Variants in CAST observed in about 807,000 individuals in gnomAD.
CAST encodes the protein MIR583 host.
In CAST, 76 loss-of-function variants were observed where a neutral mutation model predicts 119.6. The ratio of observed to expected loss-of-function variants is 0.64; its 90% CI spans 0.53 to 0.77. The LOEUF (loss-of-function observed/expected upper bound fraction) is 0.77, where lower values mean the gene tolerates loss of function less well. Among genes scored for constraint, CAST ranks in the 30% least tolerant of loss-of-function variants. The probability of loss-of-function intolerance (pLI) is 0.00; values close to 1 mark genes in which losing one functional copy is unlikely to be tolerated. For synonymous variants in CAST, 319 were observed against 331.6 expected (o/e 0.96, Z 0.41); for missense variants, 953 against 946.5 (o/e 1.01, Z -0.09).
chr5:96,460,246 A>G, the CAST span, among the ~76,000 whole-genome samples: 1 of 152,132 alleles, frequency 6.6e-6, no homozygotes, highest in African/African-American at 2.4e-5. Flanking sequence ...GAGAGTCACA[A>G]AAGAATGAGA....
the CAST span, among the ~76,000 whole-genome samples, chr5:96,424,435 G>A: frequency 1.4e-4 from 21 of 152,150 alleles, no homozygotes; most frequent in African/African-American, 2.2e-4. Context: ...CTCTGGAGTC[G>A]TGAATTATAG....
At chr5:96,056,450 C>T in the CAST span, among the ~76,000 whole-genome samples, 570 of 152,212 alleles carry the variant, frequency 3.7e-3, 4 homozygotes, top group African/African-American at 0.013. Flanking sequence ...TCCAGATGCA[C>T]GAACTGGCTC....
At chr5:96,522,740 C>A (rs1745538005), upstream of CAST, among the ~76,000 whole-genome samples, 1 of 152,164 alleles carries the variant, frequency 6.6e-6, no homozygotes, top group South Asian at 2.1e-4. Context: ...TTGCAATCAG[C>A]CCTGCACTGC....
the CAST span, among the ~76,000 whole-genome samples, chr5:96,509,719 G>T: frequency 4.8e-4 from 73 of 152,214 alleles, no homozygotes; most frequent in Non-Finnish European, 9.6e-4. Context: ...TCAATAAGAA[G>T]GAATGAATTC....
intron 1 of CAST, among the ~76,000 whole-genome samples, chr5:96,650,747 TG>T (rs1748084318): frequency 6.6e-6 from 1 of 151,742 alleles, no homozygotes; most frequent in Non-Finnish European, 1.5e-5. Context: ...TGTGTGTGTG[TG>T]TGTGTGTGTG....
At chr5:96,738,148 C>T (rs1008147520) in intron 11 of CAST, among the ~76,000 whole-genome samples, 8 of 152,098 alleles carry the variant, frequency 5.3e-5, no homozygotes, top group Non-Finnish European at 8.8e-5. Flanking sequence ...ATGGTGAAAC[C>T]CTGTCCTTAC....
chr5:96,335,402 C>T, the CAST span, among the ~76,000 whole-genome samples: 1 of 152,268 alleles, frequency 6.6e-6, no homozygotes, highest in Non-Finnish European at 1.5e-5. Flanking sequence ...TGCTTGTGTG[C>T]ACCACTCACT....
the CAST span, among the ~76,000 whole-genome samples, chr5:96,452,520 A>G: frequency 9.9e-5 from 15 of 152,002 alleles, no homozygotes; most frequent in East Asian, 2.9e-3. Flanking sequence ...GAGAGATAGC[A>G]TTAGGATAAA....
the CAST span, among the ~76,000 whole-genome samples, chr5:96,072,500 A>G: frequency 1.3e-5 from 2 of 152,208 alleles, no homozygotes; most frequent in Non-Finnish European, 2.9e-5. Flanking sequence ...CCTTAAATCA[A>G]CTAAGATGTA....
At chr5:96,068,744 A>G in the CAST span, among the ~76,000 whole-genome samples, 1 of 151,470 alleles carries the variant, frequency 6.6e-6, no homozygotes, top group Admixed American at 6.6e-5. Context: ...GTAAATGTGT[A>G]TGTAAATACA....
chr5:96,249,240 T>A, the CAST span, among the ~76,000 whole-genome samples: 1 of 152,360 alleles, frequency 6.6e-6, no homozygotes, highest in African/African-American at 2.4e-5. Flanking sequence ...ATAGTACCTT[T>A]AGCTGATGTT....
the CAST span, among the ~76,000 whole-genome samples, chr5:96,372,692 A>G: frequency 6.6e-6 from 1 of 152,096 alleles, no homozygotes; most frequent in Non-Finnish European, 1.5e-5. Context: ...GGGGCCCCAC[A>G]CACCTTCCTG....
At chr5:96,341,988 C>T in the CAST span, among the ~76,000 whole-genome samples, 1 of 152,130 alleles carries the variant, frequency 6.6e-6, no homozygotes, top group Non-Finnish European at 1.5e-5. Flanking sequence ...ACTCAAATCC[C>T]CTAAGTTTAA....
the CAST span, among the ~76,000 whole-genome samples, chr5:96,508,702 G>A: frequency 2.6e-5 from 4 of 152,188 alleles, no homozygotes; most frequent in East Asian, 7.7e-4. Context: ...TATTGTGGAA[G>A]TTGGAGGGTC....
intron 1 of CAST, among the ~76,000 whole-genome samples, chr5:96,673,852 A>G (rs1750396638): frequency 6.6e-6 from 1 of 152,162 alleles, no homozygotes; most frequent in Non-Finnish European, 1.5e-5. Flanking sequence ...GTACAAACAA[A>G]CCCTTGACTA....
chr5:96,147,906 C>T, the CAST span, among the ~76,000 whole-genome samples: 142 of 152,328 alleles, frequency 9.3e-4, no homozygotes, highest in Middle Eastern at 3.4e-3. Flanking sequence ...TTTATCCCAT[C>T]CATCCACATG....
At chr5:96,240,412 C>T in the CAST span, among the ~76,000 whole-genome samples, 1 of 152,228 alleles carries the variant, frequency 6.6e-6, no homozygotes, top group African/African-American at 2.4e-5. Context: ...CGTCCGATTT[C>T]TGGGTCCACC....
At chr5:96,411,041 T>C in the CAST span, 2 of 1,224,074 alleles carry the variant, frequency 1.6e-6, no homozygotes, top group South Asian at 2.4e-5. Flanking sequence ...GGGTCATTGT[T>C]ATATCCCAAT....
chr5:96,455,547 A>T, the CAST span, among the ~76,000 whole-genome samples: 1 of 152,242 alleles, frequency 6.6e-6, no homozygotes, highest in Non-Finnish European at 1.5e-5. Context: ...TAGTTGCAAC[A>T]GCTAAGGAGG....
Sources: gnomAD v4.1 joint callset for allele counts (sites outside exome capture counted in the v4.1 genomes callset) on GRCh38, gnomAD v4.1.1 for gene constraint, MANE v1.5 for transcripts, NCBI Gene and HGNC (gene_info 2026-07-23, HGNC 2026-07-21) for gene names.